The following ERBB4 variants were observed in gnomAD, a reference collection of about 807,000 sequenced individuals.
The protein encoded by ERBB4 is receptor tyrosine-protein kinase erbB-4.
ERBB4 carries 42 observed loss-of-function variants against 158.0 expected under a neutral mutation model. The ratio of observed to expected loss-of-function variants is 0.27; its 90% confidence interval spans 0.21 to 0.34. The LOEUF is 0.34. ERBB4 is among the 10% of genes least tolerant of loss of function. The pLI is 1.00. For missense variants in ERBB4, 1,333 were observed against 1,624.1 expected (o/e 0.82, Z 3.08); for synonymous variants, 583 against 558.7 (o/e 1.04, Z -0.61).
At chr2:211,786,972 G>A (rs1359656047) in intron 4 of ERBB4, among the ~76,000 whole-genome samples, 1 of 152,188 alleles carries the variant, frequency 6.6e-6, no homozygotes, top group Non-Finnish European at 1.5e-5. Context: ...AGAAAATTAT[G>A]TTACTCTACT....
intron 2 of ERBB4, among the ~76,000 whole-genome samples, chr2:212,008,301 GATTT>G (rs2076302854): frequency 2.0e-5 from 3 of 151,992 alleles, no homozygotes; most frequent in African/African-American, 4.8e-5. Flanking sequence ...ACACAGTCGA[GATTT>G]ATTTATTTAT....
intron 1 of ERBB4, among the ~76,000 whole-genome samples, chr2:212,490,308 A>G (rs918894627): frequency 7.2e-5 from 11 of 151,882 alleles, no homozygotes; most frequent in African/African-American, 2.7e-4. Flanking sequence ...GCGAACTGTC[A>G]AATACACAAC....
chr2:212,167,956 G>A (rs2081398466), intron 1 of ERBB4, among the ~76,000 whole-genome samples: 1 of 151,900 alleles, frequency 6.6e-6, no homozygotes, highest in South Asian at 2.1e-4. Context: ...GGGAATGAGG[G>A]GAGGGAACTT....
intron 3 of ERBB4, among the ~76,000 whole-genome samples, chr2:211,920,969 T>G (rs1177544515): frequency 1.3e-5 from 2 of 151,928 alleles, no homozygotes; most frequent in Non-Finnish European, 2.9e-5. Context: ...CACACTACAA[T>G]CTACACAAAT....
chr2:211,937,701 C>A (rs839529), intron 3 of ERBB4, among the ~76,000 whole-genome samples: 124,419 of 151,936 alleles, frequency 0.82, 51,325 homozygotes, highest in African/African-American at 0.88. Flanking sequence ...AAACCATCAG[C>A]TCTTGTGAGA....
chr2:212,171,711 C>A (rs1209825456), intron 1 of ERBB4, among the ~76,000 whole-genome samples: 1 of 152,104 alleles, frequency 6.6e-6, no homozygotes, highest in Non-Finnish European at 1.5e-5. Context: ...TTACATAGTT[C>A]TCTTGCCTGC....
At chr2:212,414,625 C>T (rs1439331071) in intron 1 of ERBB4, among the ~76,000 whole-genome samples, 3 of 152,112 alleles carry the variant, frequency 2.0e-5, no homozygotes, top group Non-Finnish European at 4.4e-5. Flanking sequence ...ATTTCTAATC[C>T]TAATAAAAAT....
intron 1 of ERBB4, among the ~76,000 whole-genome samples, chr2:212,251,724 AAAGC>A (rs2084541677): frequency 6.6e-6 from 1 of 152,046 alleles, no homozygotes; most frequent in African/African-American, 2.4e-5. Context: ...CTTCAGAAGA[AAAGC>A]AAGCAAGGGT....
intron 1 of ERBB4, among the ~76,000 whole-genome samples, chr2:212,189,967 T>C (rs1354560371): frequency 6.6e-6 from 1 of 152,228 alleles, no homozygotes; most frequent in Non-Finnish European, 1.5e-5. Flanking sequence ...TATTGGAATA[T>C]GTCTTTGTAA....
At chr2:212,526,533 G>A (rs1254686223) in intron 1 of ERBB4, among the ~76,000 whole-genome samples, 2 of 151,922 alleles carry the variant, frequency 1.3e-5, no homozygotes, top group Non-Finnish European at 2.9e-5. Flanking sequence ...TATATCACCA[G>A]GGACAATGGG....
intron 2 of ERBB4, among the ~76,000 whole-genome samples, chr2:212,078,928 A>G (rs965984968): frequency 2.0e-5 from 3 of 151,220 alleles, no homozygotes; most frequent in African/African-American, 7.3e-5. Flanking sequence ...AAATGGAGTC[A>G]TAATATACAT....
At chr2:211,529,003 T>C (rs1383584192) in intron 20 of ERBB4, among the ~76,000 whole-genome samples, 3 of 151,218 alleles carry the variant, frequency 2.0e-5, no homozygotes, top group South Asian at 4.2e-4. Flanking sequence ...AAATAAAAAA[T>C]CTGAGTAGAG....
intron 1 of ERBB4, among the ~76,000 whole-genome samples, chr2:212,413,265 C>T (rs1044197414): frequency 1.3e-5 from 2 of 151,118 alleles, no homozygotes; most frequent in African/African-American, 4.9e-5. Flanking sequence ...GGATTACAGG[C>T]ACGAGCCACC....
chr2:212,028,306 G>A (rs186049343), intron 2 of ERBB4, among the ~76,000 whole-genome samples: 2 of 152,052 alleles, frequency 1.3e-5, no homozygotes, highest in Non-Finnish European at 2.9e-5. Flanking sequence ...ATATGTCTAC[G>A]ACCTAAGCGA....
intron 26 of ERBB4, 92 bp downstream of exon 26, chr2:211,387,853 A>C (rs1559117928): frequency 9.7e-7 from 1 of 1,031,746 alleles, no homozygotes; most frequent in Admixed American, 1.7e-5. Context: ...TGGCAAAGGC[A>C]AAATGAGGAA....
At chr2:211,806,158 T>A (rs1489616801) in intron 3 of ERBB4, among the ~76,000 whole-genome samples, 1 of 152,056 alleles carries the variant, frequency 6.6e-6, no homozygotes, top group Non-Finnish European at 1.5e-5. Context: ...GATGTGTATA[T>A]TTAAAATTTC....
intron 2 of ERBB4, among the ~76,000 whole-genome samples, chr2:212,103,821 A>G (rs1190320522): frequency 6.6e-6 from 1 of 152,062 alleles, no homozygotes; most frequent in African/African-American, 2.4e-5. Context: ...AAACATTCTG[A>G]ATGTTAAGAA....
chr2:212,039,147 G>A (rs549313470), intron 2 of ERBB4, among the ~76,000 whole-genome samples: 15 of 152,208 alleles, frequency 9.9e-5, no homozygotes, highest in Non-Finnish European at 1.5e-5. Context: ...TGGAGGGCCT[G>A]AAAATGAAAG....
intron 3 of ERBB4, among the ~76,000 whole-genome samples, chr2:211,929,239 G>A (rs867721244): frequency 0.057 from 4,989 of 87,354 alleles, 107 homozygotes; most frequent in Middle Eastern, 0.13. Flanking sequence ...GAATAAGTGT[G>A]TGTGTGTGTG....
Sources: gnomAD v4.1 joint callset for allele counts (sites outside exome capture counted in the v4.1 genomes callset) on GRCh38, gnomAD v4.1.1 for gene constraint, MANE v1.5 for transcripts, NCBI Gene and HGNC (gene_info 2026-07-23, HGNC 2026-07-21) for gene names.